The following DYM variants were observed in gnomAD, a reference collection of about 807,000 sequenced individuals.
DYM encodes dyggve-Melchior-Clausen syndrome protein.
DYM carries 78 observed loss-of-function variants against 93.1 expected under a neutral mutation model. The observed-to-expected ratio is 0.84, with a 90% CI of 0.70 to 1.01. The LOEUF is 1.01. DYM is among the 50% of genes least tolerant of loss of function. DYM has a pLI of 0.00. For synonymous variants in DYM, 321 were observed against 319.7 expected, an observed-to-expected ratio of 1.00 and a Z score of -0.04; for missense variants, 789 against 845.0, an observed-to-expected ratio of 0.93 and a Z score of 0.82.
In DYM at chr18:49,334,604, A is replaced by G. The variant is rs541688806; in HGVS notation, c.495-751T>C. Among the ~76,000 whole-genome samples, 9 of 152,316 alleles carry G rather than the reference A, an allele frequency of 5.9e-5. No homozygotes were observed. In the East Asian group the frequency reaches 1.7e-3, roughly 29 times the overall value. ...GGGAACATGTTAAGACCAAGGAAGT[A>G]GAAACCTCAACAACGCAGTAAAAAG... On this transcript the variant is annotated intron_variant, in intron 6 of 17. Transcript: ENST00000675505.
intron 17 of DYM, among the ~76,000 whole-genome samples, chr18:49,081,475 G>A (rs1381095724): frequency 3.3e-5 from 5 of 149,690 alleles, no homozygotes; most frequent in Middle Eastern, 3.4e-3. Context: ...CTTTGGCTCG[G>A]CATCAGAGGG....
intron 5 of DYM, among the ~76,000 whole-genome samples, chr18:49,378,356 C>T (rs2067709531): frequency 6.6e-6 from 1 of 152,022 alleles, no homozygotes. Flanking sequence ...CACCAGCTTT[C>T]TTATTTAAAA....
chr18:49,204,953 T>C (rs1355848651), intron 14 of DYM, among the ~76,000 whole-genome samples: 1 of 152,160 alleles, frequency 6.6e-6, no homozygotes, highest in Non-Finnish European at 1.5e-5. Flanking sequence ...ATACATTACA[T>C]ATATTTATTT....
At chr18:49,317,622 T>TC (rs2062081678) in intron 8 of DYM, among the ~76,000 whole-genome samples, 16 of 23,186 alleles carry the variant, frequency 6.9e-4, no homozygotes, top group Non-Finnish European at 1.1e-3. Flanking sequence ...CCTCCCTCCC[T>TC]CCCTCCCTCT....
intron 8 of DYM, among the ~76,000 whole-genome samples, chr18:49,305,929 G>A (rs2061245825): frequency 6.6e-6 from 1 of 152,138 alleles, no homozygotes; most frequent in South Asian, 2.1e-4. Flanking sequence ...TCCATTCTAA[G>A]TCCTCACCTT....
chr18:49,100,220 G>C (rs2079995643), intron 16 of DYM, among the ~76,000 whole-genome samples: 1 of 151,980 alleles, frequency 6.6e-6, no homozygotes, highest in African/African-American at 2.4e-5. Flanking sequence ...TTCTTTCCAT[G>C]CTTCTACGGA....
chr18:49,367,827 G>A (rs1310900001), intron 5 of DYM, among the ~76,000 whole-genome samples: 2 of 152,094 alleles, frequency 1.3e-5, no homozygotes, highest in Non-Finnish European at 2.9e-5. Flanking sequence ...GGTTAAAAGA[G>A]TACCTTAGAA....
intron 4 of DYM, among the ~76,000 whole-genome samples, chr18:49,379,281 TG>T (rs1336995526): frequency 6.6e-6 from 1 of 152,004 alleles, no homozygotes; most frequent in African/African-American, 2.4e-5. Flanking sequence ...CTTCCATTGA[TG>T]TAAAGAATAT....
At chr18:49,328,089 T>C (rs2063031828) in intron 8 of DYM, among the ~76,000 whole-genome samples, 1 of 152,158 alleles carries the variant, frequency 6.6e-6, no homozygotes, top group Admixed American at 6.5e-5. Flanking sequence ...TCTTCATCCA[T>C]CATTAAAAAA....
Position 49,296,309 on chromosome 18 carries a change from A to G in DYM, c.764-9693T>C, listed in dbSNP as rs183048663. On this transcript the variant is annotated intron_variant, in intron 8 of 17. Transcript: ENST00000675505. ...AATTTCTTCAAAGTTGATTTCTTTCAAGGGTCCTGACCAATCTATACTTTA... is the reference window on the plus strand; with the variant it reads ...AATTTCTTCAAAGTTGATTTCTTTCGAGGGTCCTGACCAATCTATACTTTA... Among the ~76,000 whole-genome samples the G allele has an allele frequency of 2.0e-3, 311 of 152,328 alleles. 2 individuals carry two copies. Among genetic ancestry groups the G allele is most frequent in the Non-Finnish European group, 3.7e-3 (253 of 68,028 alleles).
intron 15 of DYM, among the ~76,000 whole-genome samples, chr18:49,123,946 G>C (rs191955974): frequency 6.6e-6 from 1 of 152,106 alleles, no homozygotes; most frequent in Non-Finnish European, 1.5e-5. Context: ...GCTTTCTGTA[G>C]AATTTTATGT....
chr18:49,118,924 T>G lies in DYM; in HGVS notation c.1731A>C (p.Ala577=), dbSNP rs1346020903. The change falls in exon 16 of 18, where the codon GCA becomes GCC. Residue 577 remains alanine, a splice_region_variant and synonymous_variant. Coordinates refer to ENST00000675505, the MANE Select transcript of DYM (RefSeq NM_001353214.3). ...CTTCTTCAATGACATTTAGGTCTTGTGCCTTATAGAGAAAAGAAACCCCAA... is the reference window on the plus strand; with the variant it reads ...CTTCTTCAATGACATTTAGGTCTTGGGCCTTATAGAGAAAAGAAACCCCAA... ...SSNDVPLPDY[A]QDLNVIEEVI... The G allele has an allele frequency of 6.2e-7, 1 of 1,613,920 alleles. No homozygotes were observed. The highest frequency in any genetic ancestry group is 1.1e-5 in the South Asian group (1 of 91,064).
At chr18:49,188,080 A>G (rs893043311) in intron 14 of DYM, among the ~76,000 whole-genome samples, 4 of 152,258 alleles carry the variant, frequency 2.6e-5, no homozygotes, top group Admixed American at 2.0e-4. Flanking sequence ...GTGTGCCAAC[A>G]AACTGAAATC....
At chr18:49,325,727 GATTT>G (rs1490537710) in intron 8 of DYM, among the ~76,000 whole-genome samples, 12 of 152,166 alleles carry the variant, frequency 7.9e-5, no homozygotes, top group Admixed American at 6.5e-4. Flanking sequence ...TGTGCATTTA[GATTT>G]ATTTTTTTAA....
intron 8 of DYM, among the ~76,000 whole-genome samples, chr18:49,289,452 G>T (rs1239228172): frequency 7.1e-6 from 1 of 141,110 alleles, no homozygotes; most frequent in Non-Finnish European, 1.5e-5. Flanking sequence ...AATTAAAATG[G>T]GCAATAAAGG....
chr18:49,307,659 A>G (rs1289039621), intron 8 of DYM, among the ~76,000 whole-genome samples: 1 of 152,280 alleles, frequency 6.6e-6, no homozygotes, highest in East Asian at 1.9e-4. Flanking sequence ...GGCAGAAAAG[A>G]TAGTTTACCT....
At chr18:49,136,358 AT>A (rs973180641) in intron 15 of DYM, among the ~76,000 whole-genome samples, 1 of 152,142 alleles carries the variant, frequency 6.6e-6, no homozygotes, top group Non-Finnish European at 1.5e-5. Flanking sequence ...ATATATCCCA[AT>A]TTTTAGCTAC....
chr18:49,445,361 G>A (rs1450725145), intron 1 of DYM, among the ~76,000 whole-genome samples: 1 of 152,062 alleles, frequency 6.6e-6, no homozygotes, highest in Non-Finnish European at 1.5e-5. Flanking sequence ...GGTAGGATAG[G>A]TACAGAAACC....
intron 3 of DYM, among the ~76,000 whole-genome samples, chr18:49,389,919 T>A (rs990148047): frequency 2.0e-5 from 3 of 152,184 alleles, no homozygotes; most frequent in Non-Finnish European, 2.9e-5. Context: ...ATAATTTTTT[T>A]AAAAACCCAA....
Sources: gnomAD v4.1 joint callset for allele counts (sites outside exome capture counted in the v4.1 genomes callset) on GRCh38, gnomAD v4.1.1 for gene constraint, MANE v1.5 for transcripts, NCBI Gene and HGNC (gene_info 2026-07-23, HGNC 2026-07-21) for gene names.